Variants in MCTP2 observed in about 807,000 individuals in gnomAD.
MCTP2 encodes multiple C2 and transmembrane domain containing 2, also known as multiple C2 and transmembrane domain-containing protein 2.
In MCTP2, 132 loss-of-function variants were observed where a neutral mutation model predicts 111.6. The ratio of observed to expected loss-of-function variants is 1.18; its 90% confidence interval spans 1.03 to 1.37. The LOEUF is 1.37. MCTP2 is among the 40% of genes most tolerant of loss of function. MCTP2 has a pLI of 0.00. For synonymous variants in MCTP2, 395 were observed against 387.7 expected, an observed-to-expected ratio of 1.02 and a Z score of -0.22; for missense variants, 1,183 against 1,067.9, an observed-to-expected ratio of 1.11 and a Z score of -1.50.
chr15:94,249,160 C>T lies in MCTP2; in HGVS notation c.-66+17496C>T, dbSNP rs117458140. Among the ~76,000 whole-genome samples the T allele has an allele frequency of 1.7e-3, 258 of 152,186 alleles. 1 individual carries two copies. The East Asian group carries it at 0.032, about 19-fold the overall frequency. ...GGGATAGATATCTGTCTTGATTTTCCGTAATATGCCTGTACCATGTGAAGT... is the reference window on the plus strand; with the variant it reads ...GGGATAGATATCTGTCTTGATTTTCTGTAATATGCCTGTACCATGTGAAGT... On this transcript the variant is annotated intron_variant, in intron 1 of 22. Coordinates refer to ENST00000357742, the MANE Select transcript of MCTP2 (RefSeq NM_001385001.1).
intron 1 of MCTP2, among the ~76,000 whole-genome samples, chr15:94,240,462 T>G (rs189950523): frequency 6.6e-6 from 1 of 152,334 alleles, no homozygotes; most frequent in Non-Finnish European, 1.5e-5. Context: ...TTGAGGGGTT[T>G]CAAGACCCAT....
intron 14 of MCTP2, among the ~76,000 whole-genome samples, chr15:94,386,726 G>A (rs1341078662): frequency 6.6e-6 from 1 of 152,124 alleles, no homozygotes; most frequent in African/African-American, 2.4e-5. Flanking sequence ...AGAGGTCTGG[G>A]GGACTCAAAG....
At chr15:94,341,961 C>T (rs1459229123) in intron 7 of MCTP2, 2 of 152,146 alleles carry the variant, frequency 1.3e-5, no homozygotes, top group East Asian at 1.9e-4. Context: ...TCTTCTTGAT[C>T]TTGACAGCAT....
Position 94,232,338 on chromosome 15 carries a change from C to T in MCTP2, c.-66+674C>T, listed in dbSNP as rs572134385. Among the ~76,000 whole-genome samples, 3 of 152,018 alleles carry T rather than the reference C, an allele frequency of 2.0e-5. No individual in the cohort carries two copies. The South Asian group carries it at 6.2e-4, about 32-fold the overall frequency. On this transcript the variant is annotated intron_variant, in intron 1 of 22. Coordinates refer to ENST00000357742, the MANE Select transcript of MCTP2 (RefSeq NM_001385001.1). Reference sequence around the variant, plus strand: ...TCTCTAGTCTGAATGAACTTCTGTGCGATGCTGACTGAGGGTTTCAGCCTC... The same window carrying T: ...TCTCTAGTCTGAATGAACTTCTGTGTGATGCTGACTGAGGGTTTCAGCCTC...
chr15:94,386,808 A>AAAAC (rs1272803416), intron 14 of MCTP2, among the ~76,000 whole-genome samples: 3 of 151,888 alleles, frequency 2.0e-5, no homozygotes, highest in African/African-American at 7.2e-5. Flanking sequence ...ACTTAAAAAC[A>AAAAC]AAACAAAACA....
chr15:94,276,207 A>G (rs1371961773), intron 1 of MCTP2, among the ~76,000 whole-genome samples: 1 of 152,168 alleles, frequency 6.6e-6, no homozygotes, highest in Non-Finnish European at 1.5e-5. Context: ...ATGCCAGAAA[A>G]AATAATACTA....
chr15:94,263,765 G>A (rs2073343008), intron 1 of MCTP2, among the ~76,000 whole-genome samples: 1 of 152,222 alleles, frequency 6.6e-6, no homozygotes, highest in African/African-American at 2.4e-5. Flanking sequence ...CTGGGAATAT[G>A]CATGTAGAGT....
At chr15:94,457,203 A>G (rs2084888128) in intron 19 of MCTP2, among the ~76,000 whole-genome samples, 1 of 152,206 alleles carries the variant, frequency 6.6e-6, no homozygotes, top group South Asian at 2.1e-4. Context: ...TTGAGAGCTC[A>G]TTGACTACAT....
rs910446537 is a variant in MCTP2, at chr15:94,480,315, T to G, written c.*1281T>G. ...TAAAAAGATCTCATTTAATAGTGAG[T>G]TCACTATTTTTTTTTTTTTGTCTCT... On this transcript the variant is annotated 3_prime_UTR_variant, in exon 23 of 23. Transcript: ENST00000357742. 1 of 150,558 alleles carries G rather than the reference T, an allele frequency of 6.6e-6. No homozygotes were observed. Among genetic ancestry groups the G allele is most frequent in the African/African-American group, 2.5e-5 (1 of 40,144 alleles). 9.3% of individuals were successfully genotyped at this position (150,558 alleles called of 1,614,324 possible). A position where few individuals can be genotyped will look rare whatever the true frequency, so the allele number is the denominator to read the frequency against.
chr15:94,270,431 G>A (rs1302260887), intron 1 of MCTP2, among the ~76,000 whole-genome samples: 1 of 152,132 alleles, frequency 6.6e-6, no homozygotes, highest in African/African-American at 2.4e-5. Flanking sequence ...ATTGTTTGAC[G>A]CCATTTTTAA....
intron 1 of MCTP2, among the ~76,000 whole-genome samples, chr15:94,245,936 A>C (rs940050490): frequency 3.3e-5 from 5 of 152,084 alleles, no homozygotes; most frequent in Non-Finnish European, 7.4e-5. Flanking sequence ...TGGAGTGTCA[A>C]GCTTCATCTT....
At chr15:94,244,673 CCTATGTTTATATA>C (rs1381112098) in intron 1 of MCTP2, among the ~76,000 whole-genome samples, 2 of 146,910 alleles carry the variant, frequency 1.4e-5, no homozygotes, top group African/African-American at 5.1e-5. Context: ...TACATATCCA[CCTATGTTTATATA>C]CGTATATGTA....
intron 7 of MCTP2, among the ~76,000 whole-genome samples, chr15:94,344,274 T>A (rs978676086): frequency 6.6e-6 from 1 of 152,226 alleles, no homozygotes; most frequent in African/African-American, 2.4e-5. Flanking sequence ...TGGTTTCTAA[T>A]GTATTGGGAA....
chr15:94,351,777 A>T (rs1256485937), intron 8 of MCTP2, among the ~76,000 whole-genome samples: 1 of 152,136 alleles, frequency 6.6e-6, no homozygotes, highest in African/African-American at 2.4e-5. Flanking sequence ...TCCCGTGGGT[A>T]TTGCTTGGCA....
At chr15:94,352,508 C>G (rs376110561) in intron 8 of MCTP2, among the ~76,000 whole-genome samples, 4 of 152,266 alleles carry the variant, frequency 2.6e-5, no homozygotes, top group East Asian at 3.9e-4. Flanking sequence ...AGAAAAATAA[C>G]AAAACCCTGA....
chr15:94,333,785 C>T (rs2077233394), intron 4 of MCTP2, among the ~76,000 whole-genome samples: 1 of 152,136 alleles, frequency 6.6e-6, no homozygotes, highest in African/African-American at 2.4e-5. Context: ...ATGAATACAA[C>T]AGTAGGTAAG....
chr15:94,348,172 G>A (rs973948364), intron 8 of MCTP2, among the ~76,000 whole-genome samples: 2 of 151,448 alleles, frequency 1.3e-5, no homozygotes, highest in Admixed American at 1.3e-4. Context: ...GCCAATTGTT[G>A]GCCTGTTTGG....
chr15:94,430,867 C>A (rs1194295562), intron 17 of MCTP2, among the ~76,000 whole-genome samples: 3 of 152,196 alleles, frequency 2.0e-5, no homozygotes, highest in African/African-American at 7.2e-5. Context: ...GATACCCACA[C>A]CTCCTCCAAA....
chr15:94,383,444 G>A (rs913370533), intron 12 of MCTP2, among the ~76,000 whole-genome samples: 1 of 152,158 alleles, frequency 6.6e-6, no homozygotes, highest in African/African-American at 2.4e-5. Context: ...GGTCTTGGGT[G>A]GTGTGTTAGT....
Sources: allele counts gnomAD v4.1 joint callset (sites outside exome capture counted in the v4.1 genomes callset), GRCh38; gene constraint gnomAD v4.1.1; transcripts MANE v1.5; gene names NCBI Gene and HGNC (gene_info 2026-07-23, HGNC 2026-07-21).